Variants in SLC2A13 observed in about 807,000 individuals in gnomAD.
SLC2A13 encodes proton myo-inositol cotransporter.
In SLC2A13, 32 loss-of-function variants were observed where a neutral mutation model predicts 64.4. The ratio of observed to expected loss-of-function variants is 0.50; its 90% CI spans 0.37 to 0.67. SLC2A13 has a LOEUF of 0.67. Among genes scored for constraint, SLC2A13 ranks in the 30% least tolerant of loss-of-function variants. SLC2A13 has a pLI of 0.00. For missense variants in SLC2A13, 743 were observed against 829.2 expected (o/e 0.90, Z 1.28); for synonymous variants, 338 against 327.1 (o/e 1.03, Z -0.36).
intron 4 of SLC2A13, among the ~76,000 whole-genome samples, chr12:39,900,923 AC>A (rs1340009914): frequency 2.6e-5 from 4 of 152,176 alleles, no homozygotes; most frequent in Admixed American, 2.6e-4. Flanking sequence ...GCATCACGCT[AC>A]CTGACTTCAA....
At chr12:39,976,840 TAAC>T (rs1328781095) in intron 3 of SLC2A13, among the ~76,000 whole-genome samples, 1 of 152,216 alleles carries the variant, frequency 6.6e-6, no homozygotes, top group African/African-American at 2.4e-5. Flanking sequence ...TCTGGACACT[TAAC>T]ATCTCTTGGC....
intron 4 of SLC2A13, among the ~76,000 whole-genome samples, chr12:39,926,019 A>G (rs1054103347): frequency 1.3e-5 from 2 of 152,202 alleles, no homozygotes; most frequent in Non-Finnish European, 2.9e-5. Context: ...AATGAAGCAT[A>G]TGTTCTCATT....
At chr12:39,829,474 T>TCAG (rs1259836477) in intron 7 of SLC2A13, 1 of 106,458 alleles carries the variant, frequency 9.4e-6, no homozygotes, top group East Asian at 3.1e-4. Flanking sequence ...TGGTTTGATC[T>TCAG]CAGCTCACTG....
intron 3 of SLC2A13, among the ~76,000 whole-genome samples, chr12:39,963,461 T>C (rs935386721): frequency 2.0e-5 from 3 of 152,188 alleles, no homozygotes; most frequent in African/African-American, 7.2e-5. Flanking sequence ...TTAACACTCC[T>C]ACACAGATTA....
At chr12:40,072,075 G>C (rs1041295549) in intron 1 of SLC2A13, among the ~76,000 whole-genome samples, 3 of 151,978 alleles carry the variant, frequency 2.0e-5, no homozygotes, top group African/African-American at 7.2e-5. Context: ...TAAAAGCACT[G>C]CTTTCAGTGA....
At chr12:39,842,350 ACTTGCT>A (rs1016704509) in intron 6 of SLC2A13, among the ~76,000 whole-genome samples, 3 of 152,068 alleles carry the variant, frequency 2.0e-5, no homozygotes, top group Non-Finnish European at 4.4e-5. Context: ...AAGCTAAGAG[ACTTGCT>A]CATGTCTCTA....
chr12:39,957,936 C>T (rs1946345057), intron 3 of SLC2A13, among the ~76,000 whole-genome samples: 2 of 152,118 alleles, frequency 1.3e-5, no homozygotes, highest in African/African-American at 4.8e-5. Flanking sequence ...CAAGCTATGC[C>T]ACAATGGTGT....
chr12:39,830,249 C>T, intron 6 of SLC2A13, 21 bp from the exon 7 acceptor site: 1 of 1,608,108 alleles, frequency 6.2e-7, no homozygotes. Context: ...AAAAGAGTTA[C>T]CGTCATGTTG....
At chr12:39,830,072 A>G (rs774584638) in intron 7 of SLC2A13, 31 bp downstream of exon 7, 12 of 1,612,442 alleles carry the variant, frequency 7.4e-6, no homozygotes, top group Non-Finnish European at 1.0e-5. Flanking sequence ...AAATATTATT[A>G]TATATTCGTA....
At chr12:40,092,848 A>G (rs1209890849) in intron 1 of SLC2A13, among the ~76,000 whole-genome samples, 1 of 152,216 alleles carries the variant, frequency 6.6e-6, no homozygotes, top group African/African-American at 2.4e-5. Flanking sequence ...TACGACTCCA[A>G]TGCCTTTCCA....
Position 39,756,347 on chromosome 12 carries a change from TAAA to T in SLC2A13, c.*3676_*3678del, listed in dbSNP as rs1344071598. 1 of 151,882 alleles carries T rather than the reference TAAA, an allele frequency of 6.6e-6. No homozygotes were observed. The highest frequency in any genetic ancestry group is 2.1e-4 in the South Asian group (1 of 4,830). 9.4% of individuals were successfully genotyped at this position (151,882 alleles called of 1,614,324 possible). A position where few individuals can be genotyped will look rare whatever the true frequency, so the allele number is the denominator to read the frequency against. ...ACTGAAAAGGTCTTAATTTGGTAAT[TAAA>T]AACTTGTCACAACAAGTGAATAAAA... On this transcript the variant is annotated 3_prime_UTR_variant, in exon 10 of 10. Transcript: ENST00000280871.
chr12:39,889,725 T>C (rs1005011453), intron 4 of SLC2A13, among the ~76,000 whole-genome samples: 5 of 151,670 alleles, frequency 3.3e-5, no homozygotes, highest in Admixed American at 3.3e-4. Flanking sequence ...AGAGACGGGG[T>C]TTCACCATGT....
chr12:39,827,387 C>T (rs890884040), intron 7 of SLC2A13, among the ~76,000 whole-genome samples: 1 of 152,108 alleles, frequency 6.6e-6, no homozygotes, highest in Non-Finnish European at 1.5e-5. Context: ...TTTTTCTTGT[C>T]CCTATTTCAG....
At chr12:39,912,987 C>T (rs187589311) in intron 4 of SLC2A13, among the ~76,000 whole-genome samples, 18 of 152,152 alleles carry the variant, frequency 1.2e-4, no homozygotes, top group African/African-American at 4.3e-4. Flanking sequence ...AAGTATATCA[C>T]ATAATGATGA....
intron 6 of SLC2A13, among the ~76,000 whole-genome samples, chr12:39,835,314 T>TA (rs1942976014): frequency 6.6e-6 from 1 of 152,076 alleles, no homozygotes; most frequent in Admixed American, 6.6e-5. Flanking sequence ...ACCTATGATC[T>TA]AACCCTAAAT....
intron 4 of SLC2A13, among the ~76,000 whole-genome samples, chr12:39,948,191 T>C (rs1481265999): frequency 6.6e-6 from 1 of 151,316 alleles, no homozygotes; most frequent in Non-Finnish European, 1.5e-5. Flanking sequence ...AGTCATATTA[T>C]AAAAAAAAAT....
At chr12:39,897,187 C>G (rs1310256847) in intron 4 of SLC2A13, among the ~76,000 whole-genome samples, 2 of 152,120 alleles carry the variant, frequency 1.3e-5, no homozygotes, top group African/African-American at 4.8e-5. Context: ...AGGACTCAAT[C>G]TTTCCATCCA....
intron 4 of SLC2A13, among the ~76,000 whole-genome samples, chr12:39,916,283 T>G (rs1230981943): frequency 6.6e-6 from 1 of 151,984 alleles, no homozygotes; most frequent in Non-Finnish European, 1.5e-5. Flanking sequence ...ATGTATTGAA[T>G]TTTTCCTTTG....
At chr12:40,091,629 C>G (rs1212975412) in intron 1 of SLC2A13, among the ~76,000 whole-genome samples, 1 of 152,176 alleles carries the variant, frequency 6.6e-6, no homozygotes, top group Non-Finnish European at 1.5e-5. Flanking sequence ...TTCAAAATGT[C>G]TTTCTCTCCT....
Sources: gnomAD v4.1 joint callset for allele counts (sites outside exome capture counted in the v4.1 genomes callset) on GRCh38, gnomAD v4.1.1 for gene constraint, MANE v1.5 for transcripts, NCBI Gene and HGNC (gene_info 2026-07-23, HGNC 2026-07-21) for gene names.